The following BCAS3 variants were observed in gnomAD, a reference collection of about 807,000 sequenced individuals.
BCAS3 encodes the protein BCAS3 microtubule associated cell migration factor.
In BCAS3, 53 loss-of-function variants were observed where a neutral mutation model predicts 116.1. The ratio of observed to expected loss-of-function variants is 0.46; its 90% CI spans 0.37 to 0.57. The LOEUF is 0.57. BCAS3 is among the 20% of genes least tolerant of loss of function. The pLI is 0.00. For synonymous variants in BCAS3, 391 were observed against 408.2 expected, an observed-to-expected ratio of 0.96 and a Z score of 0.51; for missense variants, 917 against 1,165.4, an observed-to-expected ratio of 0.79 and a Z score of 3.10.
intron 7 of BCAS3, among the ~76,000 whole-genome samples, chr17:60,862,018 T>G (rs1202286823): frequency 6.6e-6 from 1 of 152,028 alleles, no homozygotes; most frequent in Non-Finnish European, 1.5e-5. Context: ...GCGTGGTGGC[T>G]CATGCCTGAA....
Position 61,337,483 on chromosome 17 carries a change from C to T in BCAS3, c.2426-30844C>T, listed in dbSNP as rs575668758. Among the ~76,000 whole-genome samples, 4 of 152,152 alleles carry T rather than the reference C, an allele frequency of 2.6e-5. No homozygotes were observed. Among genetic ancestry groups the T allele is most frequent in the East Asian group, 3.9e-4 (2 of 5,178 alleles). On this transcript the variant is annotated intron_variant, in intron 22 of 23. Coordinates refer to ENST00000407086, the MANE Select transcript of BCAS3 (RefSeq NM_017679.5). The surrounding 1 kb of genome is among the most constrained non-coding windows in gnomAD (Gnocchi z 4.8). ...GACGCTTGGCTTTGCCCACAGCCCT[C>T]GGCCCCAGGTCTTCCTCTTGGAGCA...
intron 10 of BCAS3, among the ~76,000 whole-genome samples, chr17:60,900,389 C>G (rs1599551082): frequency 6.6e-6 from 1 of 151,872 alleles, no homozygotes; most frequent in South Asian, 2.1e-4. Context: ...TTGCATGGTT[C>G]CATGGTTGGG....
intron 22 of BCAS3, among the ~76,000 whole-genome samples, chr17:61,182,866 G>C (rs951436660): frequency 2.0e-5 from 3 of 152,184 alleles, no homozygotes; most frequent in Non-Finnish European, 2.9e-5. Flanking sequence ...TTGTGGCCGT[G>C]GGCCCCTTTT....
chr17:60,893,699 C>A (rs997988060), intron 10 of BCAS3, among the ~76,000 whole-genome samples: 1 of 149,614 alleles, frequency 6.7e-6, no homozygotes, highest in Non-Finnish European at 1.5e-5. Flanking sequence ...ACCTCCGCCT[C>A]CTGGGTTCAA....
chr17:60,890,024 T>C (rs2057026120), intron 10 of BCAS3, among the ~76,000 whole-genome samples: 1 of 152,262 alleles, frequency 6.6e-6, no homozygotes, highest in Non-Finnish European at 1.5e-5. Flanking sequence ...TATAGAGAAC[T>C]TCATTCTATT....
chr17:61,265,009 T>C lies in BCAS3; in HGVS notation c.2426-103318T>C, dbSNP rs1296281634. Reference sequence around the variant, plus strand: ...TGGTCTTTGGAGGCAGACAGCCCTGTATTCAATTCCACTGTTTATTTTTAT... The same window carrying C: ...TGGTCTTTGGAGGCAGACAGCCCTGCATTCAATTCCACTGTTTATTTTTAT... On this transcript the variant is annotated intron_variant, in intron 22 of 23. Transcript: ENST00000407086. The surrounding 1 kb of genome is among the most constrained non-coding windows in gnomAD (Gnocchi z 4.3). Among the ~76,000 whole-genome samples the C allele has an allele frequency of 6.6e-6, 1 of 152,248 alleles. No homozygotes were observed. The highest frequency in any genetic ancestry group is 1.5e-5 in the Non-Finnish European group (1 of 68,046).
At chr17:61,275,795 G>C (rs1016629771) in intron 22 of BCAS3, among the ~76,000 whole-genome samples, 2 of 152,160 alleles carry the variant, frequency 1.3e-5, no homozygotes, top group African/African-American at 4.8e-5. Context: ...ACAGCACCGT[G>C]TGCCCTACAT....
intron 22 of BCAS3, among the ~76,000 whole-genome samples, chr17:61,142,091 T>A (rs182876548): frequency 1.4e-4 from 21 of 152,232 alleles, no homozygotes; most frequent in African/African-American, 4.8e-4. Context: ...TCTCTTGTTT[T>A]ATTTTTTTTT....
intron 22 of BCAS3, among the ~76,000 whole-genome samples, chr17:61,242,609 GT>G (rs1247927899): frequency 6.6e-6 from 1 of 152,134 alleles, no homozygotes; most frequent in East Asian, 1.9e-4. Flanking sequence ...AGAACCTGTG[GT>G]TAAAATCTCA....
chr17:61,295,112 G>A (rs1370177887), intron 22 of BCAS3, among the ~76,000 whole-genome samples: 1 of 152,214 alleles, frequency 6.6e-6, no homozygotes, highest in East Asian at 1.9e-4. Flanking sequence ...GATTGGAGAT[G>A]TGCTGTCCCG....
intron 6 of BCAS3, among the ~76,000 whole-genome samples, chr17:60,804,704 C>T (rs1323465707): frequency 6.6e-6 from 1 of 151,934 alleles, no homozygotes. Context: ...ATCTTATATA[C>T]AAGTTATTTA....
Position 60,709,299 on chromosome 17 carries a change from G to C in BCAS3, c.295G>C (p.Asp99His). Reference sequence around the variant, plus strand: ...TTTGTTGATTATGATTGGCTACAGTGATGGAATGCAGGTCTGGAGCATCCC... The same window carrying C: ...TTTGTTGATTATGATTGGCTACAGTCATGGAATGCAGGTCTGGAGCATCCC... ...PPLLIMIGYS[D>H]GMQVWSIPIS... is the part of the protein sequence containing the mutation. Residue 99 changes from aspartate (D) to histidine (H), a missense_variant, in exon 5 of 24, where the codon GAT becomes CAT. Asp to His is a moderately conservative substitution (Grantham distance 81). Transcript: ENST00000407086. 6.3e-7 allele frequency: 1 copy of C among 1,598,746 alleles called. No homozygotes were observed.
intron 7 of BCAS3, among the ~76,000 whole-genome samples, chr17:60,855,165 G>A (rs1438177449): frequency 1.3e-5 from 2 of 151,166 alleles, no homozygotes; most frequent in African/African-American, 4.9e-5. Context: ...GGTCAGGTTG[G>A]TCTCGAACTC....
chr17:60,788,176 C>T (rs1196010586), intron 6 of BCAS3, among the ~76,000 whole-genome samples: 1 of 152,146 alleles, frequency 6.6e-6, no homozygotes, highest in Admixed American at 6.6e-5. Context: ...TTACAATTTT[C>T]AGCAGATGAG....
At chr17:61,384,155 C>A (rs1207514188) in intron 23 of BCAS3, among the ~76,000 whole-genome samples, 1 of 152,232 alleles carries the variant, frequency 6.6e-6, no homozygotes, top group African/African-American at 2.4e-5. Flanking sequence ...GCCGGGCATT[C>A]TCCATCCCCC....
intron 22 of BCAS3, among the ~76,000 whole-genome samples, chr17:61,252,287 G>A (rs1407702981): frequency 6.6e-6 from 1 of 152,192 alleles, no homozygotes; most frequent in Non-Finnish European, 1.5e-5. Flanking sequence ...TGGTAAGATT[G>A]TTATGAAAAG....
rs2063787053 is a variant in BCAS3, at chr17:60,995,563, G to T, written c.1486+5328G>T. On this transcript the variant is annotated intron_variant, in intron 15 of 23. Coordinates refer to ENST00000407086, the MANE Select transcript of BCAS3 (RefSeq NM_017679.5). The surrounding 1 kb of genome is among the most constrained non-coding windows in gnomAD (Gnocchi z 4.7). Reference sequence around the variant, plus strand: ...TCCACCTGCCTCAGCCTCCCAAGGTGCTGGGATTACAAGCGTGAACCACCG... The same window carrying T: ...TCCACCTGCCTCAGCCTCCCAAGGTTCTGGGATTACAAGCGTGAACCACCG... Among the ~76,000 whole-genome samples the T allele has an allele frequency of 3.3e-5, 5 of 152,198 alleles. No individual in the cohort carries two copies. Among genetic ancestry groups the T allele is most frequent in the Non-Finnish European group, 7.3e-5 (5 of 68,036 alleles).
chr17:61,069,352 G>GA (rs2071069097), intron 19 of BCAS3, among the ~76,000 whole-genome samples: 1 of 152,164 alleles, frequency 6.6e-6, no homozygotes. Flanking sequence ...CTGAGCCAAT[G>GA]AAAAGAGCAA....
chr17:61,050,108 C>G (rs930427025), intron 19 of BCAS3, among the ~76,000 whole-genome samples: 5 of 151,944 alleles, frequency 3.3e-5, no homozygotes, highest in Admixed American at 1.3e-4. Flanking sequence ...CCCTAAATCT[C>G]TGAAGATGAA....
Sources: gnomAD v4.1 joint callset for allele counts (sites outside exome capture counted in the v4.1 genomes callset) on GRCh38, gnomAD v4.1.1 for gene constraint, Gnocchi (gnomAD v3.1) non-coding constraint, MANE v1.5 for transcripts, NCBI Gene and HGNC (gene_info 2026-07-23, HGNC 2026-07-21) for gene names.